ALS2CL: variants seen among roughly 807,000 people sequenced by gnomAD.
The protein encoded by ALS2CL is ALS2 C-terminal-like protein.
ALS2CL carries 112 observed loss-of-function variants against 127.9 expected under a neutral mutation model. That is an observed-to-expected ratio of 0.88 (90% CI 0.75 to 1.02). The LOEUF is 1.02. ALS2CL is among the 50% of genes least tolerant of loss of function. The pLI is 0.00. For missense variants in ALS2CL, 1,174 were observed against 1,236.7 expected, an observed-to-expected ratio of 0.95 and a Z score of 0.76; for synonymous variants, 519 against 527.6, an observed-to-expected ratio of 0.98 and a Z score of 0.22.
At position 46,681,684 on chromosome 3, in the gene ALS2CL, C is replaced by A. The variant is rs1471324658; in HGVS notation, c.1176-86G>T. The A allele has an allele frequency of 1.5e-6, 2 of 1,356,010 alleles. No homozygotes were observed. The highest frequency in any genetic ancestry group is 2.1e-6 in the Non-Finnish European group (2 of 963,128). 84.0% of individuals were successfully genotyped at this position (1,356,010 alleles called of 1,614,324 possible). ...TCCATGCCACCCAGGAGTATCCCTG[C>A]CCCCAAGGAGCCTTCCAGACAACAG... On this transcript the variant is annotated intron_variant, in intron 11 of 25. Coordinates refer to ENST00000318962, the MANE Select transcript of ALS2CL (RefSeq NM_147129.5). This position sits in a 1 kb window ranked among gnomAD's most constrained non-coding sequence, Gnocchi z 4.9.
chr3:46,677,903 T>C (rs1300143104), intron 16 of ALS2CL, among the ~76,000 whole-genome samples: 2 of 151,634 alleles, frequency 1.3e-5, no homozygotes, highest in African/African-American at 4.9e-5. Flanking sequence ...AGGACATGTC[T>C]ACATATCCCT....
Position 46,669,979 on chromosome 3 carries a change from T to C in ALS2CL, c.*1005A>G, listed in dbSNP as rs1698269341. On this transcript the variant is annotated 3_prime_UTR_variant, in exon 26 of 26. Coordinates refer to ENST00000318962, the MANE Select transcript of ALS2CL (RefSeq NM_147129.5). ...GGACCAAGAGTGATCCAGCTTCTTC[T>C]CCAGAGCTGCACCCTGCACAAATCC... 6.6e-6 allele frequency: 1 copy of C among 152,220 alleles called. No homozygotes were observed. 9.4% of individuals were successfully genotyped at this position (152,220 alleles called of 1,614,324 possible).
In ALS2CL at chr3:46,687,118, C is replaced by T. The variant is rs1223734274; in HGVS notation, c.399G>A (p.Leu133=). 6.4e-7 allele frequency: 1 copy of T among 1,552,582 alleles called. No individual in the cohort carries two copies. Among genetic ancestry groups the T allele is most frequent in the South Asian group, 1.2e-5 (1 of 83,878 alleles). ...AGCTCACACCTGAAAGCAGCTGCCG[C>T]AGCGCCTTCCGCTGGCCCCGCCAGT... The part of the protein sequence containing the change: ...SEYWRGQRKA[L]RQLLSGVSSE... Residue 133 remains leucine, a synonymous_variant, in exon 5 of 26, where the codon CTG becomes CTA. Transcript: ENST00000318962.
At chr3:46,691,477 C>G (rs1700149352) in intron 1 of ALS2CL, among the ~76,000 whole-genome samples, 1 of 152,032 alleles carries the variant, frequency 6.6e-6, no homozygotes, top group Admixed American at 6.5e-5. Context: ...GACACCATAC[C>G]CTGGCAAGGA....
chr3:46,679,153 T>G, intron 15 of ALS2CL, 57 bp downstream of exon 15: 1 of 1,501,752 alleles, frequency 6.7e-7, no homozygotes, highest in Non-Finnish European at 9.0e-7. Flanking sequence ...GTGGGGAGAT[T>G]ACAGACACCA....
chr3:46,675,470 C>A, intron 20 of ALS2CL, 148 bp downstream of exon 20: 2 of 751,882 alleles, frequency 2.7e-6, no homozygotes, highest in Non-Finnish European at 4.4e-6. Flanking sequence ...CATTCTAATC[C>A]ACAAACGATC....
intron 13 of ALS2CL, chr3:46,680,959 CCA>C: frequency 1.7e-6 from 1 of 577,318 alleles, no homozygotes. Context: ...ATCACACAGC[CCA>C]GAGAGCCAGC....
intron 18 of ALS2CL, 26 bp downstream of exon 18, chr3:46,676,616 C>T (rs1355338663): frequency 3.0e-5 from 49 of 1,609,866 alleles, no homozygotes; most frequent in Non-Finnish European, 4.1e-5. Context: ...ATGTCACCCC[C>T]TTGGCCACCC....
rs1699817715 is a variant in ALS2CL at position 46,686,743 on chromosome 3, A to C, written c.534+240T>G. Among the ~76,000 whole-genome samples the C allele has an allele frequency of 6.6e-6, 1 of 151,890 alleles. No individual in the cohort carries two copies. Among genetic ancestry groups the C allele is most frequent in the Non-Finnish European group, 1.5e-5 (1 of 67,952 alleles). On this transcript the variant is annotated intron_variant, in intron 5 of 25. Coordinates refer to ENST00000318962, the MANE Select transcript of ALS2CL (RefSeq NM_147129.5). The surrounding 1 kb of genome is among the most constrained non-coding windows in gnomAD (Gnocchi z 4.3). ...GCAGGGAAGGGCAGTGCTTTCACCC[A>C]CTAAGATTCCCTAGGACAGAACCAT...
At position 46,670,550 on chromosome 3, in the gene ALS2CL, C is replaced by G. The variant is rs188002432; in HGVS notation, c.*434G>C. The G allele has an allele frequency of 5.8e-5, 11 of 190,072 alleles. No individual in the cohort carries two copies. In the East Asian group the frequency reaches 1.1e-3, roughly 19 times the overall value. 11.8% of individuals were successfully genotyped at this position (190,072 alleles called of 1,614,324 possible). On this transcript the variant is annotated 3_prime_UTR_variant, in exon 26 of 26. Transcript: ENST00000318962. The surrounding 1 kb of genome is among the most constrained non-coding windows in gnomAD (Gnocchi z 5.5). ...CGAGCCTGCCAGAGGTCAATACAGCCCAGCAGACTAAAGTCAGTTTTCCAA... is the reference window on the plus strand; with the variant it reads ...CGAGCCTGCCAGAGGTCAATACAGCGCAGCAGACTAAAGTCAGTTTTCCAA...
chr3:46,683,477 C>G, intron 9 of ALS2CL, 151 bp from the exon 10 acceptor site: 1 of 865,252 alleles, frequency 1.2e-6, no homozygotes, highest in Non-Finnish European at 1.8e-6. Flanking sequence ...CTGCTTCTTG[C>G]TACTCTCTGG....
rs1023297458 is a variant in ALS2CL, at chr3:46,671,366, T to G, written c.2781+122A>C. ...GACACTGTGAGGACCCTTCCCAGAG[T>G]CACACATGAGCTGTGAATTTGAGCT... On this transcript the variant is annotated intron_variant, in intron 25 of 25. Coordinates refer to ENST00000318962, the MANE Select transcript of ALS2CL (RefSeq NM_147129.5). 12 of 1,461,740 alleles carry G rather than the reference T, an allele frequency of 8.2e-6. No individual in the cohort carries two copies. In the African/African-American group the frequency reaches 1.7e-4, roughly 21 times the overall value. 90.5% of individuals were successfully genotyped at this position (1,461,740 alleles called of 1,614,324 possible).
Position 46,681,073 on chromosome 3 carries a change from A to G in ALS2CL, c.1436+173T>C. ...CGGGGGCGACCCTGCAGTCAGCGTGACCAAGATTCGCTCAGCCTGAGCCTC... is the reference window on the plus strand; with the variant it reads ...CGGGGGCGACCCTGCAGTCAGCGTGGCCAAGATTCGCTCAGCCTGAGCCTC... On this transcript the variant is annotated intron_variant, in intron 13 of 25. Coordinates refer to ENST00000318962, the MANE Select transcript of ALS2CL (RefSeq NM_147129.5). This position sits in a 1 kb window ranked among gnomAD's most constrained non-coding sequence, Gnocchi z 4.9. The G allele has an allele frequency of 9.3e-7, 1 of 1,075,584 alleles. No individual in the cohort carries two copies. Among genetic ancestry groups the G allele is most frequent in the Non-Finnish European group, 1.4e-6 (1 of 711,352 alleles). The allele number at this position is 1,075,584 out of a possible 1,614,324, so 66.6% of individuals were successfully genotyped here.
Position 46,671,555 on chromosome 3 carries a change from A to G in ALS2CL, c.2714T>C (p.Leu905Pro). The change falls in exon 25 of 26, where the codon CTG becomes CCG. Residue 905 changes from leucine to proline, a missense_variant. By Grantham distance (98) the Leu-to-Pro change is moderately conservative. Transcript: ENST00000318962. ...RIQHLGAEIHLIRDMMDPNHT... is the reference protein window; with the variant it reads ...RIQHLGAEIHPIRDMMDPNHT... ...GTTGGGGTCCATCATGTCACGGATC[A>G]GGTGGATCTCGGCTCCCAGGTGCTG... 1.9e-6 allele frequency: 3 copies of G among 1,613,978 alleles called. No homozygotes were observed. In the Admixed American group the frequency reaches 5.0e-5, roughly 27 times the overall value.
Position 46,688,083 on chromosome 3 carries a change from C to T in ALS2CL, c.302+15G>A, listed in dbSNP as rs1183080281. The T allele has an allele frequency of 6.2e-7, 1 of 1,609,872 alleles. No homozygotes were observed. Among genetic ancestry groups the T allele is most frequent in the Non-Finnish European group, 8.5e-7 (1 of 1,177,340 alleles). ...CACCAGGGATGAGCCCCAGCCCCAC[C>T]TCCAGTGGTCTTACTCTATGTGGGC... On this transcript the variant is annotated intron_variant, in intron 3 of 25. Coordinates refer to ENST00000318962, the MANE Select transcript of ALS2CL (RefSeq NM_147129.5).
rs1391715853 is a variant in ALS2CL at position 46,681,591 on chromosome 3, T to C, written c.1183A>G (p.Ile395Val). The C allele has an allele frequency of 1.2e-6, 2 of 1,613,284 alleles. No homozygotes were observed. Among genetic ancestry groups the C allele is most frequent in the African/African-American group, 2.7e-5 (2 of 74,936 alleles). The part of the protein sequence containing the change: ...FCQGLEHGFG[I>V]RLLPQASEDK... The stretch of plus-strand genomic sequence containing the variant: ...TCAGAGGCCTGGGGCAGCAGGCGGA[T>C]GCCGAAGCTGACAGCATGGTTGTGG... The change falls in exon 12 of 26, where the codon ATC becomes GTC. Residue 395 changes from isoleucine to valine, a missense_variant. Transcript: ENST00000318962. This position sits in a 1 kb window ranked among gnomAD's most constrained non-coding sequence, Gnocchi z 4.9.
rs138921839 is a variant in ALS2CL at position 46,676,961 on chromosome 3, G to A, written c.1819C>T (p.Arg607Trp). The part of the protein sequence containing the change: ...SRWQGVYSPF[R>W]DFVCAGCPRD... ...GGGCAGCCAGCACACACAAAGTCCC[G>A]GAAGGGGCTGTAGACTCCCTGCCAG... Residue 607 changes from arginine to tryptophan, a missense_variant, in exon 17 of 26, where the codon CGG (arginine) becomes TGG (tryptophan). By Grantham distance (101) the Arg-to-Trp change is moderately radical (BLOSUM62 -3). Coordinates refer to ENST00000318962, the MANE Select transcript of ALS2CL (RefSeq NM_147129.5). 1.6e-4 allele frequency: 260 copies of A among 1,613,498 alleles called. No homozygotes were observed. The highest frequency in any genetic ancestry group is 9.7e-4 in the African/African-American group (73 of 75,050).
chr3:46,685,615 G>A lies in ALS2CL; in HGVS notation c.696C>T (p.Leu232=), dbSNP rs771108205. The A allele has an allele frequency of 3.1e-6, 5 of 1,613,842 alleles. No homozygotes were observed. Among genetic ancestry groups the A allele is most frequent in the Non-Finnish European group, 2.5e-6 (3 of 1,179,948 alleles). Residue 232 remains leucine, a synonymous_variant, in exon 7 of 26, where the codon CTC becomes CTT. Coordinates refer to ENST00000318962, the MANE Select transcript of ALS2CL (RefSeq NM_147129.5). ...CGGGTACGTCCTGGCTGTCCTGAAG[G>A]AGTCTGTGAGCAGGGGTGCAGAGCA... ...RDVLCTPAHR[L]LQDSQDVPVT...
Position 46,676,719 on chromosome 3 carries a change from C to T in ALS2CL, c.1951G>A (p.Val651Met), listed in dbSNP as rs1238864166. ...TCCAGGATGTCTTCCATACTGCCCACACTGTCCTCAGGGTGGGTCCTGGGC... is the reference window on the plus strand; with the variant it reads ...TCCAGGATGTCTTCCATACTGCCCATACTGTCCTCAGGGTGGGTCCTGGGC... ...SCERTHPEDS[V>M]GSMEDILEEL... Residue 651 changes from valine to methionine, a missense_variant, in exon 18 of 26, where the codon GTG becomes ATG. Transcript: ENST00000318962. 2 of 1,613,666 alleles carry T rather than the reference C, an allele frequency of 1.2e-6. No homozygotes were observed. Among genetic ancestry groups the T allele is most frequent in the Non-Finnish European group, 1.7e-6 (2 of 1,179,996 alleles).
Sources: gnomAD v4.1 joint callset for allele counts (sites outside exome capture counted in the v4.1 genomes callset) on GRCh38, gnomAD v4.1.1 for gene constraint, Gnocchi (gnomAD v3.1) non-coding constraint, MANE v1.5 for transcripts, NCBI Gene and HGNC (gene_info 2026-07-23, HGNC 2026-07-21) for gene names.